The following CEP162 variants were observed in gnomAD, a reference collection of about 807,000 sequenced individuals.
CEP162 encodes the protein centrosomal protein of 162 kDa.
CEP162 carries 141 observed loss-of-function variants against 169.2 expected under a neutral mutation model. The ratio of observed to expected loss-of-function variants is 0.83; its 90% CI spans 0.73 to 0.96. The LOEUF is 0.96. Ranked by LOEUF, CEP162 falls within the 40% of genes least tolerant of loss-of-function variation. The pLI, the probability that CEP162 is intolerant of heterozygous loss-of-function variation, is 0.00. For synonymous variants in CEP162, 540 were observed against 526.4 expected, an observed-to-expected ratio of 1.03 and a Z score of -0.35; for missense variants, 1,600 against 1,587.2, an observed-to-expected ratio of 1.01 and a Z score of -0.14.
At chr6:84,202,970 TCCA>T (rs1211348145) in intron 7 of CEP162, among the ~76,000 whole-genome samples, 5 of 152,118 alleles carry the variant, frequency 3.3e-5, no homozygotes, top group Non-Finnish European at 7.4e-5. Context: ...TTCTTTTGAG[TCCA>T]CGTTTTCATT....
intron 13 of CEP162, among the ~76,000 whole-genome samples, chr6:84,177,692 T>C (rs903889593): frequency 1.3e-4 from 20 of 152,126 alleles, no homozygotes; most frequent in Admixed American, 9.8e-4. Flanking sequence ...TCTGCCACCA[T>C]GTCCAGCAAA....
At chr6:84,148,987 A>G (rs1278027728) in intron 24 of CEP162, among the ~76,000 whole-genome samples, 2 of 152,154 alleles carry the variant, frequency 1.3e-5, no homozygotes, top group Non-Finnish European at 2.9e-5. Flanking sequence ...TTCAAAAAGG[A>G]AGACACATTT....
At chr6:84,196,039 G>T (rs1398055733) in intron 9 of CEP162, among the ~76,000 whole-genome samples, 1 of 152,086 alleles carries the variant, frequency 6.6e-6, no homozygotes, top group Non-Finnish European at 1.5e-5. Context: ...AGTCAAAATA[G>T]AAACCTTGAT....
intron 11 of CEP162, among the ~76,000 whole-genome samples, chr6:84,192,498 A>G (rs946069667): frequency 1.3e-5 from 2 of 152,230 alleles, no homozygotes; most frequent in African/African-American, 4.8e-5. Flanking sequence ...AGACTACTAC[A>G]CTTAGCATTG....
At chr6:84,171,522 A>C (rs570796145) in intron 17 of CEP162, 84 bp downstream of exon 17, 3 of 501,300 alleles carry the variant, frequency 6.0e-6, no homozygotes, top group East Asian at 7.0e-5. Context: ...TGTCTAAGTA[A>C]AAATAAATGT....
chr6:84,205,683 C>T (rs2099546622), intron 6 of CEP162, among the ~76,000 whole-genome samples: 1 of 152,034 alleles, frequency 6.6e-6, no homozygotes, highest in Non-Finnish European at 1.5e-5. Context: ...CCTCTCTCAC[C>T]ACTCCTATTC....
intron 10 of CEP162, 114 bp downstream of exon 10, chr6:84,194,770 A>T: frequency 1.1e-6 from 1 of 892,302 alleles, no homozygotes; most frequent in Non-Finnish European, 1.7e-6. Context: ...TTCTTTAATT[A>T]AGCTCAGAGA....
intron 10 of CEP162, 59 bp from the exon 11 acceptor site, chr6:84,193,749 T>C: frequency 2.0e-6 from 2 of 988,182 alleles, no homozygotes; most frequent in Non-Finnish European, 3.0e-6. Flanking sequence ...TTAATTTACA[T>C]GTGTAATAAC....
At chr6:84,209,307 T>C (rs1437795825) in intron 6 of CEP162, among the ~76,000 whole-genome samples, 1 of 152,158 alleles carries the variant, frequency 6.6e-6, no homozygotes, top group Non-Finnish European at 1.5e-5. Context: ...ATATGTAATA[T>C]GCACTGTATA....
intron 7 of CEP162, 47 bp from the exon 8 acceptor site, chr6:84,201,814 T>C (rs1311570158): frequency 6.1e-6 from 6 of 990,618 alleles, no homozygotes; most frequent in Admixed American, 5.3e-5. Context: ...ACCAAAATTA[T>C]GTAAAATTAC....
chr6:84,209,444 G>T (rs567612399), intron 6 of CEP162, among the ~76,000 whole-genome samples: 1 of 150,666 alleles, frequency 6.6e-6, no homozygotes, highest in Admixed American at 6.6e-5. Flanking sequence ...GCACGATCTC[G>T]GCTCACTGCA....
In CEP162 at chr6:84,138,502, A is replaced by T. The variant is rs189921663; in HGVS notation, c.3870+8185T>A. Among the ~76,000 whole-genome samples, 693 of 152,330 alleles carry T rather than the reference A, an allele frequency of 4.5e-3. 8 individuals are homozygous for T. Among genetic ancestry groups the T allele is most frequent in the African/African-American group, 0.016 (661 of 41,570 alleles). On this transcript the variant is annotated intron_variant, in intron 25 of 26. Coordinates refer to ENST00000403245, the MANE Select transcript of CEP162 (RefSeq NM_014895.4). ...TCAAACTAGTCTTGTCAAAACAGCT[A>T]GAATATTACACAGAATACAGCCATT...
intron 18 of CEP162, among the ~76,000 whole-genome samples, chr6:84,164,269 A>G (rs1398853348): frequency 6.6e-6 from 1 of 152,216 alleles, no homozygotes; most frequent in African/African-American, 2.4e-5. Flanking sequence ...AATTAGTTCA[A>G]CCATTGTGGA....
intron 1 of CEP162, among the ~76,000 whole-genome samples, chr6:84,226,868 CTCGT>C (rs1469865491): frequency 1.3e-5 from 2 of 152,172 alleles, no homozygotes; most frequent in African/African-American, 4.8e-5. Context: ...TATCACTCGG[CTCGT>C]TATTTTACCA....
chr6:84,196,411 G>C (rs2099542164), intron 9 of CEP162, among the ~76,000 whole-genome samples: 2 of 152,142 alleles, frequency 1.3e-5, no homozygotes, highest in East Asian at 3.9e-4. Context: ...ACTTAGTCTT[G>C]GGTATGTCTT....
At chr6:84,132,853 G>A (rs550106922) in intron 25 of CEP162, among the ~76,000 whole-genome samples, 20 of 152,156 alleles carry the variant, frequency 1.3e-4, no homozygotes, top group East Asian at 1.2e-3. Flanking sequence ...CTGTCAACTC[G>A]TCAAAGTCAT....
rs200713399 is a variant in CEP162 at position 84,221,107 on chromosome 6, T to C, written c.122A>G (p.Lys41Arg). ...TATCCACCAAGGCACTGTATCTTTC[T>C]TCTTCATCTCTTTTTTAGATTGTCT... ...TARQSKKEMK[K>R]KDTVPWWITE... Residue 41 changes from lysine (K) to arginine (R), a missense_variant, in exon 3 of 27, where the codon AAG (lysine) becomes AGG (arginine). By Grantham distance (26) the Lys-to-Arg change is conservative. Transcript: ENST00000403245. The C allele has an allele frequency of 1.1e-4, 174 of 1,604,642 alleles. No homozygotes were observed. The African/African-American group carries it at 2.2e-3, about 20-fold the overall frequency.
chr6:84,169,941 G>C (rs1161426358), intron 17 of CEP162, among the ~76,000 whole-genome samples: 1 of 152,046 alleles, frequency 6.6e-6, no homozygotes, highest in East Asian at 1.9e-4. Context: ...TAACCCTAAT[G>C]TACTAAAGAA....
At chr6:84,167,198 A>G (rs913886602) in intron 18 of CEP162, among the ~76,000 whole-genome samples, 2 of 152,126 alleles carry the variant, frequency 1.3e-5, no homozygotes, top group Admixed American at 6.6e-5. Context: ...ATATTTCTTA[A>G]TATTTGTGAT....
Sources: gnomAD v4.1 joint callset for allele counts (sites outside exome capture counted in the v4.1 genomes callset) on GRCh38, gnomAD v4.1.1 for gene constraint, MANE v1.5 for transcripts, NCBI Gene and HGNC (gene_info 2026-07-23, HGNC 2026-07-21) for gene names.